DNAJC7: variants seen among roughly 807,000 people sequenced by gnomAD.
DNAJC7 encodes dnaJ homolog subfamily C member 7.
Under a neutral mutation model 67.4 loss-of-function variants are expected in DNAJC7, and 18 were observed. That is an observed-to-expected ratio of 0.27 (90% CI 0.18 to 0.40). The LOEUF (loss-of-function observed/expected upper bound fraction) is 0.40, where lower values mean the gene tolerates loss of function less well. Among genes scored for constraint, DNAJC7 ranks in the 10% least tolerant of loss-of-function variants. DNAJC7 has a pLI of 1.00. For missense variants in DNAJC7, 419 were observed against 613.8 expected, an observed-to-expected ratio of 0.68 and a Z score of 3.35; for synonymous variants, 220 against 207.8, an observed-to-expected ratio of 1.06 and a Z score of -0.50.
intron 3 of DNAJC7, 122 bp downstream of exon 3, chr17:41,996,993 C>A: frequency 6.8e-7 from 1 of 1,472,004 alleles, no homozygotes; most frequent in Non-Finnish European, 9.2e-7. Flanking sequence ...ACAGTAAAGT[C>A]CCCCACAACA....
At chr17:41,990,185 T>C in intron 6 of DNAJC7, 79 bp downstream of exon 6, 4 of 1,382,352 alleles carry the variant, frequency 2.9e-6, no homozygotes, top group South Asian at 1.3e-5. Context: ...CTGGGGACCA[T>C]ATCCTGTGGT....
chr17:41,978,071 A>T (rs951673498), intron 12 of DNAJC7, among the ~76,000 whole-genome samples: 30 of 152,320 alleles, frequency 2.0e-4, no homozygotes, highest in African/African-American at 6.0e-4. Context: ...TTCCCAATTA[A>T]TACTCAACAA....
intron 8 of DNAJC7, among the ~76,000 whole-genome samples, 179 bp from the exon 9 acceptor site, chr17:41,988,089 T>G (rs192221714): frequency 6.6e-6 from 1 of 152,302 alleles, no homozygotes; most frequent in East Asian, 1.9e-4. Context: ...TGATTTCTCT[T>G]GTATATGATA....
intron 5 of DNAJC7, among the ~76,000 whole-genome samples, chr17:41,992,203 G>A (rs894900217): frequency 7.9e-5 from 12 of 151,874 alleles, no homozygotes; most frequent in Admixed American, 3.9e-4. Flanking sequence ...ATGGAGTTTC[G>A]TTCTTGTTGC....
intron 1 of DNAJC7, chr17:42,017,131 G>C: frequency 6.8e-7 from 1 of 1,472,200 alleles, no homozygotes; most frequent in Non-Finnish European, 9.0e-7. Context: ...CCATGCCTCA[G>C]CTCCTACGCC....
At chr17:42,017,176 A>G in intron 1 of DNAJC7, 164 bp downstream of exon 1, 1 of 1,536,060 alleles carries the variant, frequency 6.5e-7, no homozygotes, top group South Asian at 1.2e-5. Flanking sequence ...GACCCCCAAG[A>G]GCGCCCCTTC....
At chr17:41,992,570 G>C (rs996085595) in intron 5 of DNAJC7, 1 of 152,142 alleles carries the variant, frequency 6.6e-6, no homozygotes, top group African/African-American at 2.4e-5. Flanking sequence ...AGGAATGAGG[G>C]GGCAGGAAAA....
At chr17:41,992,535 A>T (rs575394562) in intron 5 of DNAJC7, 4 of 152,128 alleles carry the variant, frequency 2.6e-5, no homozygotes, top group Admixed American at 2.0e-4. Flanking sequence ...AGTTGTGCTA[A>T]CTGTCCTGCC....
At chr17:42,009,864 C>G (rs2052070288) in intron 1 of DNAJC7, among the ~76,000 whole-genome samples, 1 of 152,158 alleles carries the variant, frequency 6.6e-6, no homozygotes, top group African/African-American at 2.4e-5. Flanking sequence ...GGCTGCTTTG[C>G]CCTGGCGCAG....
At position 41,981,964 on chromosome 17, in the gene DNAJC7, C is replaced by T. The variant is rs2051263190; in HGVS notation, c.1275G>A (p.Glu425=). The change falls in exon 12 of 14, where the codon GAG becomes GAA. Residue 425 remains glutamate (E), a synonymous_variant. Coordinates refer to ENST00000457167, the MANE Select transcript of DNAJC7 (RefSeq NM_003315.4). The part of the protein sequence containing the change: ...GASAEVQKEE[E]KKFKEVGEAF... ...CCTCTCCAACTTCCTTGAACTTCTT[C>T]TCCTCCTCCTTCTGAACCTCAGCAC... 3.1e-6 allele frequency: 5 copies of T among 1,614,046 alleles called. No individual in the cohort carries two copies. The East Asian group carries it at 1.1e-4, about 36-fold the overall frequency.
chr17:41,996,353 T>C lies in DNAJC7; in HGVS notation c.363A>G (p.Arg121=). 6.2e-7 allele frequency: 1 copy of C among 1,613,902 alleles called. No homozygotes were observed. Among genetic ancestry groups the C allele is most frequent in the Non-Finnish European group, 8.5e-7 (1 of 1,179,876 alleles). ...CATTTTTATGATCCAGTTCTAGGGC[T>C]CTCTGGAAGCTGCGACATGCTGCCA... The part of the protein sequence containing the change: ...NAMAACRSFQ[R]ALELDHKNAQ... The change falls in exon 4 of 14, where the codon AGA becomes AGG. Residue 121 remains arginine, a synonymous_variant. Transcript: ENST00000457167.
rs572612314 is a variant in DNAJC7, at chr17:41,990,923, G to A, written c.481-541C>T. 6.6e-5 allele frequency among the ~76,000 whole-genome samples: 10 copies of A among 152,058 alleles called. No homozygotes were observed. The East Asian group carries it at 1.4e-3, about 21-fold the overall frequency. On this transcript the variant is annotated intron_variant, in intron 5 of 13. Transcript: ENST00000457167. ...CGTGATCCGTCCTCCTCAGCCTCCCGAAGTGCTAGGATTACAGGCGTGAGC... is the reference window on the plus strand; with the variant it reads ...CGTGATCCGTCCTCCTCAGCCTCCCAAAGTGCTAGGATTACAGGCGTGAGC...
intron 13 of DNAJC7, 108 bp downstream of exon 13, chr17:41,977,153 C>G: frequency 1.8e-6 from 2 of 1,127,868 alleles, no homozygotes; most frequent in East Asian, 2.6e-5. Flanking sequence ...GATGAGAATT[C>G]AGCTGCCCCC....
chr17:41,989,024 C>G, intron 7 of DNAJC7, 128 bp from the exon 8 acceptor site: 2 of 1,143,736 alleles, frequency 1.7e-6, no homozygotes, highest in Non-Finnish European at 2.5e-6. Context: ...CCCGCCAACC[C>G]CCAATCTGGG....
At chr17:42,008,678 G>A (rs1598151925) in intron 1 of DNAJC7, among the ~76,000 whole-genome samples, 2 of 152,092 alleles carry the variant, frequency 1.3e-5, no homozygotes, top group African/African-American at 2.4e-5. Context: ...CCAAAGTGCT[G>A]GGATTACAGG....
chr17:41,997,463 G>A (rs1394912301), intron 2 of DNAJC7, among the ~76,000 whole-genome samples: 1 of 151,902 alleles, frequency 6.6e-6, no homozygotes, highest in Non-Finnish European at 1.5e-5. Context: ...TGGGCGTGGT[G>A]GTGGGCCCCT....
chr17:42,003,693 C>A (rs1328967146), intron 1 of DNAJC7: 2 of 151,606 alleles, frequency 1.3e-5, no homozygotes, highest in Admixed American at 6.6e-5. Context: ...CTGAAACACA[C>A]CAGTACTGAG....
chr17:41,995,876 C>T (rs1472470532), intron 4 of DNAJC7, among the ~76,000 whole-genome samples: 4 of 152,214 alleles, frequency 2.6e-5, no homozygotes, highest in Non-Finnish European at 4.4e-5. Flanking sequence ...GGTGCGATCA[C>T]GGCTCAGCCT....
At chr17:42,006,002 G>A (rs1555650168) in intron 1 of DNAJC7, among the ~76,000 whole-genome samples, 1 of 151,850 alleles carries the variant, frequency 6.6e-6, no homozygotes, top group Non-Finnish European at 1.5e-5. Context: ...AGAGTGCAGT[G>A]GCGTGATCTC....
Sources: gnomAD v4.1 joint callset for allele counts (sites outside exome capture counted in the v4.1 genomes callset) on GRCh38, gnomAD v4.1.1 for gene constraint, MANE v1.5 for transcripts, NCBI Gene and HGNC (gene_info 2026-07-23, HGNC 2026-07-21) for gene names.